EYS: variants seen among roughly 807,000 people sequenced by gnomAD.
EYS encodes the protein EGF-like photoreceptor maintenance factor.
Under a neutral mutation model 282.1 loss-of-function variants are expected in EYS, and 250 were observed. The ratio of observed to expected loss-of-function variants is 0.89; its 90% CI spans 0.80 to 0.98. The LOEUF is 0.98. Ranked by LOEUF, EYS falls within the 50% of genes least tolerant of loss-of-function variation. The probability of loss-of-function intolerance (pLI) is 0.00; values close to 1 mark genes in which losing one functional copy is unlikely to be tolerated. For synonymous variants in EYS, 1,355 were observed against 1,282.9 expected, an observed-to-expected ratio of 1.06 and a Z score of -1.20; for missense variants, 4,016 against 3,709.0, an observed-to-expected ratio of 1.08 and a Z score of -2.15.
chr6:65,507,504 T>A (rs1217480107), intron 2 of EYS, among the ~76,000 whole-genome samples: 1 of 152,128 alleles, frequency 6.6e-6, no homozygotes, highest in Non-Finnish European at 1.5e-5. Flanking sequence ...TCAGCCATTA[T>A]TTTTTCAAAT....
At chr6:65,593,528 T>G (rs910791947) in intron 2 of EYS, among the ~76,000 whole-genome samples, 2 of 152,018 alleles carry the variant, frequency 1.3e-5, no homozygotes, top group Non-Finnish European at 2.9e-5. Context: ...ATTTAAGTTA[T>G]AATTGGATGG....
chr6:65,229,338 G>A (rs1230443830), intron 12 of EYS, among the ~76,000 whole-genome samples: 2 of 151,898 alleles, frequency 1.3e-5, no homozygotes, highest in African/African-American at 4.8e-5. Context: ...CTTTTTCGTT[G>A]AGCAAGAGAT....
chr6:65,046,318 T>A (rs1432593527), intron 13 of EYS, among the ~76,000 whole-genome samples: 3 of 151,870 alleles, frequency 2.0e-5, no homozygotes, highest in African/African-American at 7.2e-5. Context: ...CTCAGTAGAA[T>A]CAACATTGGT....
intron 12 of EYS, among the ~76,000 whole-genome samples, chr6:65,120,071 A>G (rs1775487730): frequency 1.4e-5 from 2 of 147,512 alleles, no homozygotes; most frequent in Admixed American, 1.3e-4. Flanking sequence ...AGAATGGCGC[A>G]AAACCGGCAG....
intron 22 of EYS, among the ~76,000 whole-genome samples, chr6:64,729,311 A>G (rs1771877805): frequency 6.6e-6 from 1 of 152,182 alleles, no homozygotes; most frequent in African/African-American, 2.4e-5. Flanking sequence ...CTTAACAAGT[A>G]TTCACTTTCT....
At chr6:64,335,092 G>C (rs889097433) in intron 29 of EYS, among the ~76,000 whole-genome samples, 7 of 152,018 alleles carry the variant, frequency 4.6e-5, no homozygotes, top group African/African-American at 7.2e-5. Context: ...CACTCAAGAA[G>C]AAATAGCTAA....
intron 30 of EYS, among the ~76,000 whole-genome samples, chr6:64,250,537 G>C (rs1213131482): frequency 1.3e-5 from 2 of 152,094 alleles, no homozygotes; most frequent in African/African-American, 2.4e-5. Context: ...AAGCAATGAT[G>C]GAAAAATTTT....
At chr6:64,326,627 C>T (rs925788277) in intron 29 of EYS, among the ~76,000 whole-genome samples, 5 of 152,096 alleles carry the variant, frequency 3.3e-5, no homozygotes, top group Non-Finnish European at 7.4e-5. Flanking sequence ...TCTGGGGGCC[C>T]ATCTGGGATT....
intron 31 of EYS, among the ~76,000 whole-genome samples, chr6:64,194,063 G>A (rs754174643): frequency 2.6e-5 from 4 of 151,936 alleles, no homozygotes; most frequent in South Asian, 2.1e-4. Flanking sequence ...TAGTAGAGAC[G>A]GGGTTTCACC....
intron 26 of EYS, among the ~76,000 whole-genome samples, chr6:64,493,697 G>C (rs557986857): frequency 6.6e-6 from 1 of 151,228 alleles, no homozygotes; most frequent in African/African-American, 2.4e-5. Context: ...TGTGCACAAC[G>C]TGCAGGTTTG....
intron 1 of EYS, among the ~76,000 whole-genome samples, chr6:65,694,022 T>C (rs1015631302): frequency 2.0e-5 from 3 of 150,378 alleles, no homozygotes; most frequent in African/African-American, 7.3e-5. Flanking sequence ...GTAGATAATA[T>C]CTAAGATCAA....
chr6:63,823,870 T>C (rs1771387880), intron 36 of EYS, among the ~76,000 whole-genome samples: 1 of 152,226 alleles, frequency 6.6e-6, no homozygotes, highest in African/African-American at 2.4e-5. Context: ...TTTTTTCTAA[T>C]TTGTTAATAT....
intron 26 of EYS, among the ~76,000 whole-genome samples, chr6:64,508,482 G>T (rs761497648): frequency 1.3e-5 from 2 of 151,246 alleles, no homozygotes; most frequent in African/African-American, 2.4e-5. Flanking sequence ...TTTTCTTCAA[G>T]CCCTAAGATC....
intron 26 of EYS, among the ~76,000 whole-genome samples, chr6:64,577,079 C>T (rs929490983): frequency 6.6e-6 from 1 of 152,040 alleles, no homozygotes; most frequent in African/African-American, 2.4e-5. Flanking sequence ...TTGACCACCA[C>T]CAAGGAAGCT....
At chr6:63,947,715 G>T (rs1372543221) in intron 35 of EYS, among the ~76,000 whole-genome samples, 1 of 152,110 alleles carries the variant, frequency 6.6e-6, no homozygotes, top group Non-Finnish European at 1.5e-5. Flanking sequence ...CAGCAAGCAG[G>T]AATATTGTCC....
chr6:64,822,144 G>A (rs1764918199), intron 20 of EYS, among the ~76,000 whole-genome samples: 1 of 151,924 alleles, frequency 6.6e-6, no homozygotes, highest in Non-Finnish European at 1.5e-5. Flanking sequence ...ATTCTTCTTT[G>A]CCACCTGCAT....
chr6:65,266,977 C>CATATATATAT lies in EYS; in HGVS notation c.2023+28876_2023+28885dup, dbSNP rs1308194470. On this transcript the variant is annotated intron_variant, in intron 12 of 42. Transcript: ENST00000503581. Reference sequence around the variant, plus strand: ...ATATGCACACACACACATACCTTGACATATATATATATAGAGAGAGAGAGA... The same window carrying CATATATATAT: ...ATATGCACACACACACATACCTTGACATATATATATATATATATATATAGAGAGAGAGAGA... Among the ~76,000 whole-genome samples, 326 of 143,332 alleles carry CATATATATAT rather than the reference C, an allele frequency of 2.3e-3. 4 individuals carry two copies. Among genetic ancestry groups the CATATATATAT allele is most frequent in the African/African-American group, 7.9e-3 (303 of 38,268 alleles). The allele number at this position is 143,332 out of a possible 152,430, so 94.0% of individuals were successfully genotyped here.
intron 35 of EYS, among the ~76,000 whole-genome samples, chr6:63,876,318 T>A (rs1772969470): frequency 6.6e-6 from 1 of 152,240 alleles, no homozygotes; most frequent in Admixed American, 6.5e-5. Context: ...CTGGTTTGAT[T>A]GCACTGTGGT....
At chr6:65,594,403 C>A (rs1165918012) in intron 2 of EYS, among the ~76,000 whole-genome samples, 1 of 151,370 alleles carries the variant, frequency 6.6e-6, no homozygotes, top group Non-Finnish European at 1.5e-5. Flanking sequence ...TTTTCTCAAA[C>A]AGTAGTAAAC....
Sources: gnomAD v4.1 joint callset for allele counts (sites outside exome capture counted in the v4.1 genomes callset) on GRCh38, gnomAD v4.1.1 for gene constraint, MANE v1.5 for transcripts, NCBI Gene and HGNC (gene_info 2026-07-23, HGNC 2026-07-21) for gene names.